Variants in ACACA observed in about 807,000 individuals in gnomAD.
The protein encoded by ACACA is acetyl-CoA carboxylase 1.
A neutral mutation model predicts 296.1 loss-of-function variants in ACACA; 103 were observed. That is an observed-to-expected ratio of 0.35 (90% confidence interval 0.30 to 0.41). The LOEUF (loss-of-function observed/expected upper bound fraction) is 0.41. ACACA is among the 10% of genes least tolerant of loss of function. ACACA has a pLI of 1.00. For missense variants in ACACA, 1,554 were observed against 2,989.7 expected (o/e 0.52, Z 11.20); for synonymous variants, 953 against 1,038.6 (o/e 0.92, Z 1.58).
At chr17:37,283,147 G>T in intron 5 of ACACA, 120 bp downstream of exon 5, 1 of 1,210,792 alleles carries the variant, frequency 8.3e-7, no homozygotes, top group Non-Finnish European at 1.2e-6. Context: ...ATTTTAAAAG[G>T]ATTTTACTTG....
At chr17:37,180,746 T>G (rs2077288570) in intron 40 of ACACA, among the ~76,000 whole-genome samples, 1 of 152,234 alleles carries the variant, frequency 6.6e-6, no homozygotes, top group Non-Finnish European at 1.5e-5. Flanking sequence ...TACCATGAAC[T>G]CTATATCCAT....
chr17:37,138,121 T>C (rs1021094416), intron 45 of ACACA, among the ~76,000 whole-genome samples: 5 of 152,244 alleles, frequency 3.3e-5, no homozygotes, highest in African/African-American at 1.2e-4. Flanking sequence ...TGGTAATCTG[T>C]AGTTCAATCT....
intron 33 of ACACA, among the ~76,000 whole-genome samples, chr17:37,202,706 TATATATAC>T (rs1393894683): frequency 6.8e-3 from 154 of 22,608 alleles, no homozygotes; most frequent in East Asian, 0.017. Context: ...TATATATATA[TATATATAC>T]ACACACACAT....
chr17:37,390,334 A>ATATCTAT (rs2050822111), intron 1 of ACACA, among the ~76,000 whole-genome samples: 1 of 93,424 alleles, frequency 1.1e-5, no homozygotes, highest in Non-Finnish European at 1.9e-5. Context: ...ATATATATAT[A>ATATCTAT]AAAGGCCAGC....
Position 37,226,354 on chromosome 17 carries a change from T to C in ACACA, c.3345A>G (p.Ala1115=). ...ATGTCCTTACCTGGCGTGCTCGAAGTGCTACTTTGGCATTGGTGGTCTTAC... is the reference window on the plus strand; with the variant it reads ...ATGTCCTTACCTGGCGTGCTCGAAGCGCTACTTTGGCATTGGTGGTCTTAC... The part of the protein sequence containing the change: ...QLSKTTNAKV[A]LRARQVLIAS... The change falls in exon 26 of 56, where the codon GCA becomes GCG. Residue 1115 remains alanine, a synonymous_variant. Transcript: ENST00000616317. The C allele has an allele frequency of 6.2e-7, 1 of 1,614,010 alleles. No homozygotes were observed. Among genetic ancestry groups the C allele is most frequent in the Non-Finnish European group, 8.5e-7 (1 of 1,179,864 alleles).
chr17:37,094,914 C>T (rs183369935), intron 54 of ACACA, among the ~76,000 whole-genome samples: 2 of 152,352 alleles, frequency 1.3e-5, no homozygotes, highest in South Asian at 2.1e-4. Context: ...TACTGAGCTA[C>T]GGGGTGGGGG....
chr17:37,137,641 A>G (rs1276597090), intron 45 of ACACA, among the ~76,000 whole-genome samples: 1 of 152,176 alleles, frequency 6.6e-6, no homozygotes, highest in Non-Finnish European at 1.5e-5. Context: ...CTTTCATATT[A>G]GTGTTATAAT....
At chr17:37,134,284 C>G (rs1022501866) in intron 45 of ACACA, among the ~76,000 whole-genome samples, 7 of 152,144 alleles carry the variant, frequency 4.6e-5, no homozygotes, top group African/African-American at 1.7e-4. Context: ...CCCTTAAAGC[C>G]CTTTTTGGAG....
Position 37,406,317 on chromosome 17 carries a change from T to G in ACACA, c.-18A>C. ...CACCACATCCTCTCATCATTGCGCC[T>G]CAATTTGGGCCTCTGAAGCCCAAAG... On this transcript the variant is annotated 5_prime_UTR_variant, in exon 1 of 56. Coordinates refer to ENST00000616317, the MANE Select transcript of ACACA (RefSeq NM_198834.3). 1 of 1,614,136 alleles carries G rather than the reference T, an allele frequency of 6.2e-7. No individual in the cohort carries two copies. Among genetic ancestry groups the G allele is most frequent in the Non-Finnish European group, 8.5e-7 (1 of 1,179,980 alleles).
Position 37,243,365 on chromosome 17 carries a change from A to G in ACACA, c.2931+6T>C, listed in dbSNP as rs749872449. 2.4e-5 allele frequency: 38 copies of G among 1,613,544 alleles called. No individual in the cohort carries two copies. In the Middle Eastern group the frequency reaches 1.3e-3, roughly 56 times the overall value. ...AGAAAAAAATATAGTGTTATCCTAT[A>G]AATACCTGCTGGCTGGGAAACTGAC... On this transcript the variant is annotated splice_donor_region_variant and intron_variant, in intron 22 of 55. Coordinates refer to ENST00000616317, the MANE Select transcript of ACACA (RefSeq NM_198834.3).
chr17:37,249,131 T>G (rs562457408), intron 16 of ACACA, among the ~76,000 whole-genome samples: 12 of 152,372 alleles, frequency 7.9e-5, no homozygotes, highest in African/African-American at 2.4e-4. Context: ...TGTGACAGGC[T>G]TAATTCACTT....
intron 41 of ACACA, among the ~76,000 whole-genome samples, chr17:37,166,821 G>A (rs2076685611): frequency 6.6e-6 from 1 of 152,232 alleles, no homozygotes; most frequent in Non-Finnish European, 1.5e-5. Context: ...CTAGTACAGA[G>A]CCTGGCACAC....
chr17:37,280,526 A>T (rs1422188635), intron 5 of ACACA, among the ~76,000 whole-genome samples: 1 of 152,110 alleles, frequency 6.6e-6, no homozygotes, highest in Non-Finnish European at 1.5e-5. Context: ...TTTTATCAAT[A>T]AGGTATAATC....
intron 50 of ACACA, among the ~76,000 whole-genome samples, chr17:37,120,153 A>G (rs2143011336): frequency 1.3e-5 from 2 of 152,084 alleles, no homozygotes; most frequent in South Asian, 4.1e-4. Flanking sequence ...TCGGCCTCCC[A>G]AAGTGCTGGG....
Position 37,244,714 on chromosome 17 carries a change from A to G in ACACA, c.2616T>C (p.Ser872=). Residue 872 remains serine, a synonymous_variant, in exon 21 of 56, where the codon AGT becomes AGC. Transcript: ENST00000616317. ...KVQQAELHTG[S]LPRIQSTALR... is the part of the protein sequence containing the mutation. ...GTGCCGTGCTCTGGATCCGTGGCAG[A>G]CTACCTGTGTGAAGTTCAGCCTGTC... 1 of 1,614,036 alleles carries G rather than the reference A, an allele frequency of 6.2e-7. No homozygotes were observed. Among genetic ancestry groups the G allele is most frequent in the Non-Finnish European group, 8.5e-7 (1 of 1,179,876 alleles).
At chr17:37,371,977 AGAG>A (rs2049823209) in intron 1 of ACACA, among the ~76,000 whole-genome samples, 4 of 152,102 alleles carry the variant, frequency 2.6e-5, no homozygotes, top group Non-Finnish European at 5.9e-5. Flanking sequence ...CAGCACTTTG[AGAG>A]GCTGGGGTGG....
intron 42 of ACACA, among the ~76,000 whole-genome samples, chr17:37,160,151 G>T (rs2076403260): frequency 6.6e-6 from 1 of 152,200 alleles, no homozygotes; most frequent in Non-Finnish European, 1.5e-5. Context: ...TTCCTGTAAA[G>T]GGAAGGAGGG....
intron 1 of ACACA, among the ~76,000 whole-genome samples, chr17:37,364,331 T>C (rs8076591): frequency 0.15 from 23,362 of 151,804 alleles, 4,909 homozygotes; most frequent in African/African-American, 0.48. Context: ...TGGTGGCTCA[T>C]GCCTGTAATC....
chr17:37,123,893 G>A (rs2074645828), intron 48 of ACACA, among the ~76,000 whole-genome samples: 1 of 152,114 alleles, frequency 6.6e-6, no homozygotes, highest in South Asian at 2.1e-4. Context: ...CTTTATCCAA[G>A]TATTACAGTT....
Sources: allele counts gnomAD v4.1 joint callset (sites outside exome capture counted in the v4.1 genomes callset), GRCh38; gene constraint gnomAD v4.1.1; transcripts MANE v1.5; gene names NCBI Gene and HGNC (gene_info 2026-07-23, HGNC 2026-07-21).